The following CCSER1 variants were observed in gnomAD, a reference collection of about 807,000 sequenced individuals.
CCSER1 encodes the protein serine-rich coiled-coil domain-containing protein 1.
In CCSER1, 41 loss-of-function variants were observed where a neutral mutation model predicts 82.0. The ratio of observed to expected loss-of-function variants is 0.50; its 90% CI spans 0.39 to 0.65. The LOEUF (loss-of-function observed/expected upper bound fraction) is 0.65. Ranked by LOEUF, CCSER1 falls within the 30% of genes least tolerant of loss-of-function variation. The pLI, the probability that CCSER1 is intolerant of heterozygous loss-of-function variation, is 0.00. For missense variants in CCSER1, 1,119 were observed against 1,064.2 expected (o/e 1.05, Z -0.72); for synonymous variants, 414 against 383.9 (o/e 1.08, Z -0.92).
chr4:90,861,368 C>G lies in CCSER1; in HGVS notation c.2094+45523C>G, dbSNP rs531103888. Among the ~76,000 whole-genome samples, 471 of 151,740 alleles carry G rather than the reference C, an allele frequency of 3.1e-3. 1 individual carries two copies. The highest frequency in any genetic ancestry group is 0.011 in the African/African-American group (449 of 41,488). ...GATTCTAATAAATAAATTCCAAAAG[C>G]AATAACACAGTATTATGTATAATGA... is the stretch of plus-strand genomic sequence containing the variant. On this transcript the variant is annotated intron_variant, in intron 8 of 10. Transcript: ENST00000509176.
chr4:90,981,098 A>G (rs755176496), intron 9 of CCSER1, among the ~76,000 whole-genome samples: 6 of 151,878 alleles, frequency 4.0e-5, no homozygotes, highest in Non-Finnish European at 7.4e-5. Context: ...ATAAATATTC[A>G]TCTCCCTACC....
At chr4:90,745,768 C>A (rs1393348437) in intron 7 of CCSER1, among the ~76,000 whole-genome samples, 1 of 142,968 alleles carries the variant, frequency 7.0e-6, no homozygotes, top group Non-Finnish European at 1.5e-5. Flanking sequence ...CGGCTCACTG[C>A]AAGCTCCGCC....
intron 7 of CCSER1, among the ~76,000 whole-genome samples, chr4:90,778,536 A>G (rs1405726000): frequency 6.7e-6 from 1 of 150,218 alleles, no homozygotes; most frequent in Non-Finnish European, 1.5e-5. Flanking sequence ...TTAAAAAAAA[A>G]AAAACACAAA....
chr4:90,287,780 A>G (rs916200014), intron 1 of CCSER1, among the ~76,000 whole-genome samples: 2 of 151,974 alleles, frequency 1.3e-5, no homozygotes, highest in African/African-American at 4.8e-5. Flanking sequence ...AATATGAAAA[A>G]GAAATTACTT....
rs1272251694 is a variant in CCSER1 at position 90,271,860 on chromosome 4, A to AT, written c.-41-36383dup. On this transcript the variant is annotated intron_variant, in intron 1 of 10. Coordinates refer to ENST00000509176, the MANE Select transcript of CCSER1 (RefSeq NM_001145065.2). ...TATATATATATATATATATATATAT[A>AT]TATTTTTTTTTTTTTTTTTTTTTTT... 5.0e-3 allele frequency among the ~76,000 whole-genome samples: 112 copies of AT among 22,226 alleles called. 5 individuals are homozygous for AT. Among genetic ancestry groups the AT allele is most frequent in the Non-Finnish European group, 6.3e-3 (99 of 15,626 alleles). The allele number at this position is 22,226 out of a possible 152,430, so 14.6% of individuals were successfully genotyped here.
At chr4:90,815,904 A>C (rs1758948281) in intron 8 of CCSER1, 59 bp downstream of exon 8, 2 of 1,208,898 alleles carry the variant, frequency 1.7e-6, no homozygotes, top group Non-Finnish European at 2.4e-6. Context: ...TATTTGTTCC[A>C]CGCCCTTATT....
intron 5 of CCSER1, among the ~76,000 whole-genome samples, chr4:90,616,249 A>G (rs999090319): frequency 6.6e-6 from 1 of 152,146 alleles, no homozygotes; most frequent in African/African-American, 2.4e-5. Flanking sequence ...AACCTAACCC[A>G]TGATATCTCT....
intron 10 of CCSER1, among the ~76,000 whole-genome samples, chr4:91,593,518 T>TG (rs1764373615): frequency 6.9e-6 from 1 of 145,138 alleles, no homozygotes; most frequent in African/African-American, 2.5e-5. Flanking sequence ...TTCACCATGT[T>TG]GGCCAGGATG....
chr4:90,657,397 C>G (rs139722758), intron 6 of CCSER1, among the ~76,000 whole-genome samples: 1 of 151,962 alleles, frequency 6.6e-6, no homozygotes, highest in Non-Finnish European at 1.5e-5. Flanking sequence ...TATTTGTTTG[C>G]TGTTTATGTT....
At chr4:90,575,759 T>C (rs1780681342) in intron 5 of CCSER1, among the ~76,000 whole-genome samples, 1 of 152,244 alleles carries the variant, frequency 6.6e-6, no homozygotes, top group South Asian at 2.1e-4. Context: ...AATGCCTTCA[T>C]TCTACTTTCA....
At chr4:90,926,863 G>A (rs1320880255) in intron 9 of CCSER1, among the ~76,000 whole-genome samples, 1 of 152,038 alleles carries the variant, frequency 6.6e-6, no homozygotes, top group East Asian at 1.9e-4. Flanking sequence ...ATTAAAACAG[G>A]ATAGAAGATG....
intron 5 of CCSER1, among the ~76,000 whole-genome samples, chr4:90,586,336 G>A (rs1024922405): frequency 1.2e-4 from 18 of 152,040 alleles, no homozygotes; most frequent in African/African-American, 4.1e-4. Context: ...TGGGGACTGC[G>A]GATTTAGAAG....
intron 8 of CCSER1, among the ~76,000 whole-genome samples, chr4:90,907,011 A>G (rs1029604202): frequency 6.6e-6 from 1 of 152,186 alleles, no homozygotes; most frequent in Admixed American, 6.6e-5. Flanking sequence ...AAATTGAACT[A>G]TAATGCAATG....
intron 1 of CCSER1, among the ~76,000 whole-genome samples, chr4:90,247,984 G>T (rs539124782): frequency 6.6e-6 from 1 of 151,962 alleles, no homozygotes; most frequent in Admixed American, 6.6e-5. Context: ...CAAAAAATAC[G>T]ACAGAGACAA....
intron 10 of CCSER1, among the ~76,000 whole-genome samples, chr4:91,086,297 C>T (rs1723387134): frequency 6.6e-6 from 1 of 152,064 alleles, no homozygotes; most frequent in Non-Finnish European, 1.5e-5. Context: ...GGGGCAGAAA[C>T]ATTACAATGC....
chr4:91,047,477 G>T (rs1234070596), intron 9 of CCSER1, among the ~76,000 whole-genome samples: 5 of 151,972 alleles, frequency 3.3e-5, no homozygotes, highest in Non-Finnish European at 7.4e-5. Context: ...CCACAACAAA[G>T]TTAATGCAAA....
intron 1 of CCSER1, among the ~76,000 whole-genome samples, chr4:90,140,947 G>A (rs186872060): frequency 3.9e-5 from 6 of 152,092 alleles, no homozygotes; most frequent in East Asian, 1.9e-4. Flanking sequence ...TTACCGGAGT[G>A]AGCCACCGCG....
chr4:91,286,721 C>G (rs888015259), intron 10 of CCSER1, among the ~76,000 whole-genome samples: 1 of 151,616 alleles, frequency 6.6e-6, no homozygotes, highest in Non-Finnish European at 1.5e-5. Context: ...TTAAGAGTTC[C>G]AAATTACAGA....
At chr4:91,256,351 C>T (rs1560546851) in intron 10 of CCSER1, among the ~76,000 whole-genome samples, 1 of 152,184 alleles carries the variant, frequency 6.6e-6, no homozygotes, top group Non-Finnish European at 1.5e-5. Context: ...GGACATGAAG[C>T]TTCATCAGCA....
Sources: allele counts gnomAD v4.1 joint callset (sites outside exome capture counted in the v4.1 genomes callset), GRCh38; gene constraint gnomAD v4.1.1; transcripts MANE v1.5; gene names NCBI Gene and HGNC (gene_info 2026-07-23, HGNC 2026-07-21).